Variants in SHANK2 observed in about 807,000 individuals in gnomAD.
SHANK2 encodes SH3 and multiple ankyrin repeat domains protein 2.
Under a neutral mutation model 133.7 loss-of-function variants are expected in SHANK2, and 43 were observed. That is an observed-to-expected ratio of 0.32 (90% CI 0.25 to 0.41). The LOEUF is 0.41. SHANK2 is among the 10% of genes least tolerant of loss of function. SHANK2 has a pLI of 1.00. For synonymous variants in SHANK2, 1,017 were observed against 952.8 expected, an observed-to-expected ratio of 1.07 and a Z score of -1.24; for missense variants, 1,994 against 2,235.8, an observed-to-expected ratio of 0.89 and a Z score of 2.18.
chr11:70,803,537 G>A (rs1255096734), intron 13 of SHANK2, among the ~76,000 whole-genome samples: 3 of 150,842 alleles, frequency 2.0e-5, no homozygotes, highest in Admixed American at 6.6e-5. Context: ...TGAGGAGCTT[G>A]TTAACTATTC....
At chr11:71,069,932 G>C (rs888701259) in intron 9 of SHANK2, among the ~76,000 whole-genome samples, 7 of 152,212 alleles carry the variant, frequency 4.6e-5, no homozygotes, top group African/African-American at 1.7e-4. Context: ...AGTTGCTAGA[G>C]TGGTTTCTGC....
At chr11:70,770,914 CCTTT>C (rs2135046958) in intron 14 of SHANK2, among the ~76,000 whole-genome samples, 1 of 124,218 alleles carries the variant, frequency 8.1e-6, no homozygotes, top group Non-Finnish European at 1.7e-5. Context: ...CCTCTTACTT[CCTTT>C]TTTTTTTTTT....
At chr11:71,202,480 C>T (rs892252190) in intron 2 of SHANK2, among the ~76,000 whole-genome samples, 1 of 152,202 alleles carries the variant, frequency 6.6e-6, no homozygotes, top group African/African-American at 2.4e-5. Flanking sequence ...CTCGGCGAGA[C>T]AAGGCAGAGC....
intron 11 of SHANK2, among the ~76,000 whole-genome samples, chr11:70,841,336 G>T (rs1314982717): frequency 6.6e-6 from 1 of 152,220 alleles, no homozygotes; most frequent in Non-Finnish European, 1.5e-5. Flanking sequence ...CCTGTGACAC[G>T]CCAGGCATGG....
At chr11:70,881,004 TG>T (rs1949651355) in intron 11 of SHANK2, among the ~76,000 whole-genome samples, 1 of 152,240 alleles carries the variant, frequency 6.6e-6, no homozygotes, top group African/African-American at 2.4e-5. Context: ...ATCCCAACCC[TG>T]AACGACAATT....
At chr11:70,720,354 T>C (rs1412118510) in intron 14 of SHANK2, among the ~76,000 whole-genome samples, 2 of 152,034 alleles carry the variant, frequency 1.3e-5, no homozygotes, top group African/African-American at 4.8e-5. Flanking sequence ...GAGCCTGGGG[T>C]CTGGTGTCCA....
At chr11:70,834,760 T>C (rs568229360) in intron 11 of SHANK2, among the ~76,000 whole-genome samples, 1 of 152,346 alleles carries the variant, frequency 6.6e-6, no homozygotes, top group East Asian at 1.9e-4. Flanking sequence ...TCTGTGGTGT[T>C]TGTAACGTTC....
rs781785203 is a variant in SHANK2, at chr11:70,486,991, G to A, written c.3302C>T (p.Ala1101Val). The change falls in exon 25 of 26, where the codon GCC becomes GTC. Residue 1101 changes from alanine to valine, a missense_variant. Around this residue, in one of 5 missense-constraint regions of SHANK2, gnomAD observed 488 missense variants for 642.6 expected, o/e 0.76. Transcript: ENST00000601538. The surrounding 1 kb of genome is among the most constrained non-coding windows in gnomAD (Gnocchi z 8.0). ...KRLEARRNSP[A>V]FLSTDLGDED... Reference sequence around the variant, plus strand: ...ATCCCCCAGGTCTGTGGAGAGGAAGGCCGGGGAGTTCCTCCTGGCTTCCAG... The same window carrying A: ...ATCCCCCAGGTCTGTGGAGAGGAAGACCGGGGAGTTCCTCCTGGCTTCCAG... 1 of 1,611,372 alleles carries A rather than the reference G, an allele frequency of 6.2e-7. No individual in the cohort carries two copies. The highest frequency in any genetic ancestry group is 2.2e-5 in the East Asian group (1 of 44,866).
At chr11:70,824,244 G>A (rs782610282) in intron 11 of SHANK2, among the ~76,000 whole-genome samples, 4 of 152,052 alleles carry the variant, frequency 2.6e-5, no homozygotes, top group Admixed American at 6.6e-5. Flanking sequence ...CTGGGGAGCC[G>A]CACAGAGCTG....
intron 17 of SHANK2, among the ~76,000 whole-genome samples, chr11:70,620,078 A>C (rs1565185943): frequency 6.6e-6 from 1 of 152,136 alleles, no homozygotes; most frequent in Non-Finnish European, 1.5e-5. Flanking sequence ...AAGGACACGG[A>C]TCCCATCATG....
chr11:70,716,316 G>A (rs147120692), intron 14 of SHANK2, among the ~76,000 whole-genome samples: 2 of 152,276 alleles, frequency 1.3e-5, no homozygotes, highest in African/African-American at 4.8e-5. Context: ...CCAAGGGCAC[G>A]CAGCAGAGCC....
chr11:70,922,518 C>T (rs1950366038), intron 10 of SHANK2, among the ~76,000 whole-genome samples: 1 of 152,100 alleles, frequency 6.6e-6, no homozygotes, highest in Non-Finnish European at 1.5e-5. Flanking sequence ...CCATTATCTA[C>T]AATCACACCG....
At chr11:70,793,907 G>T (rs931669061) in intron 14 of SHANK2, among the ~76,000 whole-genome samples, 3 of 152,156 alleles carry the variant, frequency 2.0e-5, no homozygotes, top group African/African-American at 7.2e-5. Context: ...AAACTGAGAA[G>T]CAATCCACAT....
intron 21 of SHANK2, among the ~76,000 whole-genome samples, chr11:70,497,349 A>G (rs2058985966): frequency 6.6e-6 from 1 of 152,218 alleles, no homozygotes; most frequent in Non-Finnish European, 1.5e-5. Flanking sequence ...GCTCAGAACT[A>G]GGTCTTTATT....
intron 17 of SHANK2, among the ~76,000 whole-genome samples, chr11:70,570,244 T>C (rs1483857550): frequency 6.6e-6 from 1 of 152,178 alleles, no homozygotes. Flanking sequence ...AGCCCTTCCC[T>C]CTTTTAGATC....
intron 17 of SHANK2, among the ~76,000 whole-genome samples, chr11:70,629,742 T>A (rs1231572885): frequency 6.6e-6 from 1 of 152,178 alleles, no homozygotes; most frequent in East Asian, 1.9e-4. Context: ...CAGAGCTGGA[T>A]GATCCTGGTG....
chr11:70,817,105 C>G (rs755444071), intron 12 of SHANK2, among the ~76,000 whole-genome samples: 4 of 152,244 alleles, frequency 2.6e-5, no homozygotes, highest in Non-Finnish European at 5.9e-5. Context: ...CCACCCTCAT[C>G]CCAGGGGACC....
chr11:70,641,094 T>G (rs375716353), intron 17 of SHANK2, among the ~76,000 whole-genome samples: 14 of 129,102 alleles, frequency 1.1e-4, no homozygotes, highest in Admixed American at 9.3e-4. Context: ...TTTTTCTTTT[T>G]TTCTTTTCTT....
chr11:70,820,290 C>T (rs1948487923), intron 12 of SHANK2, 74 bp downstream of exon 12: 1 of 587,810 alleles, frequency 1.7e-6, no homozygotes. Flanking sequence ...AACTTCTGGG[C>T]CACCCCAAGT....
Sources: allele counts gnomAD v4.1 joint callset (sites outside exome capture counted in the v4.1 genomes callset), GRCh38; gene constraint gnomAD v4.1.1; regional missense constraint gnomAD v4.1.1; non-coding constraint Gnocchi (gnomAD v3.1); transcripts MANE v1.5; gene names NCBI Gene and HGNC (gene_info 2026-07-23, HGNC 2026-07-21).